The following SLC18A1 variants were observed in gnomAD, a reference collection of about 807,000 sequenced individuals.
SLC18A1 encodes chromaffin granule amine transporter.
SLC18A1 carries 69 observed loss-of-function variants against 53.7 expected under a neutral mutation model. The ratio of observed to expected loss-of-function variants is 1.28; its 90% confidence interval spans 1.06 to 1.57. The LOEUF (loss-of-function observed/expected upper bound fraction) is 1.57. Among genes scored for constraint, SLC18A1 ranks in the 40% most tolerant of loss-of-function variants. SLC18A1 has a pLI of 0.00. For missense variants in SLC18A1, 932 were observed against 668.1 expected, an observed-to-expected ratio of 1.40 and a Z score of -4.35; for synonymous variants, 320 against 248.1, an observed-to-expected ratio of 1.29 and a Z score of -2.72.
chr8:20,178,333 T>C lies in SLC18A1; in HGVS notation c.547+102A>G, dbSNP rs532575739. The C allele has an allele frequency of 2.2e-4, 195 of 876,136 alleles. 5 individuals carry two copies. The South Asian group carries it at 3.1e-3, about 14-fold the overall frequency. 54.3% of individuals were successfully genotyped at this position (876,136 alleles called of 1,614,324 possible). A position where few individuals can be genotyped will look rare whatever the true frequency, so the allele number is the denominator to read the frequency against. ...CAATATTCCAGTCTGCTTAGTCAGA[T>C]GCCTAATTACATTCTAGGTTACCCT... On this transcript the variant is annotated intron_variant, in intron 4 of 15. Transcript: ENST00000276373.
At chr8:20,148,091 A>G (rs1356575894) in intron 12 of SLC18A1, 21 bp from the exon 13 acceptor site, 2 of 1,612,872 alleles carry the variant, frequency 1.2e-6, no homozygotes, top group Non-Finnish European at 1.7e-6. Context: ...AAGGAGGAAG[A>G]GTCATCAGGA....
At position 20,179,451 on chromosome 8, in the gene SLC18A1, T is replaced by A; in HGVS notation, c.158A>T (p.Glu53Val). The A allele has an allele frequency of 6.2e-7, 1 of 1,613,242 alleles. No individual in the cohort carries two copies. The highest frequency in any genetic ancestry group is 1.1e-5 in the South Asian group (1 of 91,020). Residue 53 changes from glutamate (E) to valine (V), a missense_variant, in exon 3 of 16, where the codon GAG becomes GTG. Physicochemically the swap from Glu to Val is moderately radical, Grantham distance 121. Transcript: ENST00000276373. Reference sequence around the variant, plus strand: ...CAGAGAAGAGTTGACTTCTTTGAACTCCATGTCATATAGGAAGGTGGGCAC... The same window carrying A: ...CAGAGAAGAGTTGACTTCTTTGAACACCATGTCATATAGGAAGGTGGGCAC... ...PIVPTFLYDM[E>V]FKEVNSSLHL...
intron 11 of SLC18A1, 123 bp from the exon 12 acceptor site, chr8:20,149,850 A>T: frequency 1.2e-6 from 1 of 818,790 alleles, no homozygotes; most frequent in Non-Finnish European, 2.1e-6. Context: ...GGACCTGAGG[A>T]CAGCATCCCT....
chr8:20,171,766 T>A (rs1280155122), intron 6 of SLC18A1, among the ~76,000 whole-genome samples: 1 of 151,918 alleles, frequency 6.6e-6, no homozygotes, highest in East Asian at 1.9e-4. Flanking sequence ...AATTAAAGCA[T>A]GGTGAAAGTT....
chr8:20,148,380 T>C, intron 12 of SLC18A1: 5 of 1,074,860 alleles, frequency 4.7e-6, no homozygotes, highest in South Asian at 2.8e-5. Flanking sequence ...CTCTGTTCCA[T>C]GGATACTTTC....
chr8:20,168,433 G>T (rs1454272289), intron 8 of SLC18A1, among the ~76,000 whole-genome samples: 1 of 152,066 alleles, frequency 6.6e-6, no homozygotes, highest in Non-Finnish European at 1.5e-5. Context: ...ATTCTACACT[G>T]ATAATATCAG....
rs2072357850 is a variant in SLC18A1 at position 20,179,440 on chromosome 8, C to T, written c.169G>A (p.Val57Ile). The change falls in exon 3 of 16, where the codon GTC becomes ATC. Residue 57 changes from valine to isoleucine, a missense_variant. Coordinates refer to ENST00000276373, the MANE Select transcript of SLC18A1 (RefSeq NM_003053.4). ...TFLYDMEFKEVNSSLHLGHAG... is the reference protein window; with the variant it reads ...TFLYDMEFKEINSSLHLGHAG... ...TGGCCGAGGTGCAGAGAAGAGTTGA[C>T]TTCTTTGAACTCCATGTCATATAGG... The T allele has an allele frequency of 5.6e-6, 9 of 1,613,742 alleles. No individual in the cohort carries two copies. Among genetic ancestry groups the T allele is most frequent in the Non-Finnish European group, 7.6e-6 (9 of 1,179,962 alleles).
Position 20,145,738 on chromosome 8 carries a change from T to A in SLC18A1, c.*25A>T, listed in dbSNP as rs750573710. The A allele has an allele frequency of 6.0e-6, 9 of 1,491,532 alleles. No individual in the cohort carries two copies. The highest frequency in any genetic ancestry group is 8.4e-6 in the Non-Finnish European group (9 of 1,076,666). 92.4% of individuals were successfully genotyped at this position (1,491,532 alleles called of 1,614,324 possible). On this transcript the variant is annotated 3_prime_UTR_variant, in exon 16 of 16. Transcript: ENST00000276373. ...GAAAGAGGTGGTCACTGAGGCATCA[T>A]GAATTCAAGGAGCACCTTCTGCTGC...
chr8:20,151,157 TG>T (rs773329663), intron 10 of SLC18A1, among the ~76,000 whole-genome samples: 10,939 of 141,170 alleles, frequency 0.077, 432 homozygotes, highest in Admixed American at 0.13. Flanking sequence ...GTTTTTTTTT[TG>T]TTTGTTTGTT....
chr8:20,176,202 A>T (rs759280541), intron 4 of SLC18A1, among the ~76,000 whole-genome samples: 1 of 152,060 alleles, frequency 6.6e-6, no homozygotes, highest in Admixed American at 6.6e-5. Flanking sequence ...GTGGTGAGTG[A>T]GTTCTCACTC....
chr8:20,158,255 T>C (rs181254868), intron 10 of SLC18A1, among the ~76,000 whole-genome samples: 181 of 152,320 alleles, frequency 1.2e-3, no homozygotes, highest in African/African-American at 4.1e-3. Context: ...TGAGAGGTCC[T>C]AGGACAGGCA....
intron 12 of SLC18A1, among the ~76,000 whole-genome samples, chr8:20,149,415 T>A (rs968383215): frequency 1.3e-5 from 2 of 151,900 alleles, no homozygotes; most frequent in Admixed American, 6.6e-5. Flanking sequence ...GCCCTCTTCC[T>A]CTCCTTTCCC....
chr8:20,167,580 G>A (rs2072000267), intron 8 of SLC18A1, among the ~76,000 whole-genome samples: 2 of 152,040 alleles, frequency 1.3e-5, no homozygotes, highest in African/African-American at 4.8e-5. Flanking sequence ...TGACCCCAAT[G>A]GCAAAGAGCA....
At chr8:20,181,478 G>A (rs1328802031) in intron 1 of SLC18A1, among the ~76,000 whole-genome samples, 1 of 152,180 alleles carries the variant, frequency 6.6e-6, no homozygotes, top group East Asian at 1.9e-4. Context: ...CAGGTATGGT[G>A]GGATGTGCCT....
In SLC18A1 at chr8:20,165,485, C is replaced by T. The variant is rs184338632; in HGVS notation, c.859-378G>A. Among the ~76,000 whole-genome samples, 140 of 152,210 alleles carry T rather than the reference C, an allele frequency of 9.2e-4. 1 individual carries two copies. The highest frequency in any genetic ancestry group is 3.3e-3 in the African/African-American group (136 of 41,516). ...GATCTCCCTGGTACTAATATTTGTC[C>T]TGGGAGAACCACAGGCAGAGCACCG... On this transcript the variant is annotated intron_variant, in intron 8 of 15. Coordinates refer to ENST00000276373, the MANE Select transcript of SLC18A1 (RefSeq NM_003053.4).
chr8:20,172,665 A>G (rs1563762052), intron 6 of SLC18A1, among the ~76,000 whole-genome samples: 1 of 152,076 alleles, frequency 6.6e-6, no homozygotes, highest in Non-Finnish European at 1.5e-5. Flanking sequence ...AATGGGGAAA[A>G]TCATTCCTCC....
At chr8:20,148,221 A>T (rs185855469) in intron 12 of SLC18A1, 151 bp from the exon 13 acceptor site, 15 of 731,908 alleles carry the variant, frequency 2.0e-5, no homozygotes, top group Non-Finnish European at 3.5e-5. Flanking sequence ...CTCATGGAAA[A>T]GAATCTATAC....
chr8:20,159,728 G>A (rs2071776149), intron 10 of SLC18A1, among the ~76,000 whole-genome samples: 1 of 150,922 alleles, frequency 6.6e-6, no homozygotes, highest in Non-Finnish European at 1.5e-5. Flanking sequence ...TACCAGACAG[G>A]CCAGTTGTGA....
In SLC18A1 at chr8:20,171,455, C is replaced by T. The variant is rs775760902; in HGVS notation, c.764G>A (p.Gly255Glu). 35 of 1,613,986 alleles carry T rather than the reference C, an allele frequency of 2.2e-5. No homozygotes were observed. The highest frequency in any genetic ancestry group is 2.9e-5 in the Non-Finnish European group (34 of 1,180,016). ...PFGSVMYEFVGKSAPFLILAF... is the reference protein window; with the variant it reads ...PFGSVMYEFVEKSAPFLILAF... ...CAGGATGAGGAAGGGTGCAGACTTC[C>T]CAACAAACTCGTACATTACACTTCC... The change falls in exon 7 of 16, where the codon GGG becomes GAG. Residue 255 changes from glycine (G) to glutamate (E), a missense_variant. Physicochemically the swap from Gly to Glu is moderately conservative, Grantham distance 98. Coordinates refer to ENST00000276373, the MANE Select transcript of SLC18A1 (RefSeq NM_003053.4).
Sources: allele counts gnomAD v4.1 joint callset (sites outside exome capture counted in the v4.1 genomes callset), GRCh38; gene constraint gnomAD v4.1.1; transcripts MANE v1.5; gene names NCBI Gene and HGNC (gene_info 2026-07-23, HGNC 2026-07-21).